ACOT7: variants seen among roughly 807,000 people sequenced by gnomAD.
ACOT7 encodes acyl-CoA thioesterase 7, also known as cytosolic acyl coenzyme A thioester hydrolase.
A neutral mutation model predicts 40.2 loss-of-function variants in ACOT7; 12 were observed. That is an observed-to-expected ratio of 0.30 (90% confidence interval 0.19 to 0.48). The LOEUF (loss-of-function observed/expected upper bound fraction) is 0.48. Ranked by LOEUF, ACOT7 falls within the 20% of genes least tolerant of loss-of-function variation. The pLI is 0.99. For missense variants in ACOT7, 395 were observed against 530.8 expected, an observed-to-expected ratio of 0.74 and a Z score of 2.51; for synonymous variants, 228 against 219.5, an observed-to-expected ratio of 1.04 and a Z score of -0.34.
intron 2 of ACOT7, among the ~76,000 whole-genome samples, chr1:6,344,158 C>T (rs1040852305): frequency 6.6e-6 from 1 of 152,120 alleles, no homozygotes; most frequent in Non-Finnish European, 1.5e-5. Context: ...AACACAGGGA[C>T]GCAGTGGGAG....
intron 1 of ACOT7, among the ~76,000 whole-genome samples, chr1:6,387,265 A>G (rs1213438939): frequency 6.6e-6 from 1 of 152,192 alleles, no homozygotes; most frequent in Non-Finnish European, 1.5e-5. Context: ...AAAACTCAGC[A>G]AACTGTACGT....
intron 7 of ACOT7, among the ~76,000 whole-genome samples, chr1:6,291,899 A>G (rs1019608366): frequency 1.3e-5 from 2 of 152,146 alleles, no homozygotes; most frequent in Admixed American, 6.5e-5. Context: ...CTGTTTCCCT[A>G]CCAAGGGGCA....
Position 6,306,335 on chromosome 1 carries a change from C to T in ACOT7, c.713-11355G>A, listed in dbSNP as rs2148408851. 7.1e-6 allele frequency: 7 copies of T among 985,310 alleles called. No homozygotes were observed. The highest frequency in any genetic ancestry group is 8.4e-6 in the Non-Finnish European group (7 of 829,916). The allele number at this position is 985,310 out of a possible 1,614,324, so 61.0% of individuals were successfully genotyped here. A position where few individuals can be genotyped will look rare whatever the true frequency, so the allele number is the denominator to read the frequency against. On this transcript the variant is annotated intron_variant, in intron 6 of 8. Coordinates refer to ENST00000361521, the MANE Select transcript of ACOT7 (RefSeq NM_007274.4). This position sits in a 1 kb window ranked among gnomAD's most constrained non-coding sequence, Gnocchi z 4.3. ...TTTGAGAGGGATGACGTGCTGGCCA[C>T]CAGGGACCCGGCTGAGAGGAGGACC...
chr1:6,387,273 C>T (rs748733741), intron 1 of ACOT7, among the ~76,000 whole-genome samples: 10 of 152,000 alleles, frequency 6.6e-5, no homozygotes, highest in Non-Finnish European at 1.3e-4. Context: ...GCAAACTGTA[C>T]GTTTCAAATA....
intron 1 of ACOT7, among the ~76,000 whole-genome samples, chr1:6,393,024 G>C (rs1034231248): frequency 6.6e-6 from 1 of 151,926 alleles, no homozygotes; most frequent in Non-Finnish European, 1.5e-5. Context: ...CCGCCCTGGA[G>C]ATGCGGCCAG....
chr1:6,371,942 G>C (rs1642140701), intron 1 of ACOT7, among the ~76,000 whole-genome samples: 1 of 152,020 alleles, frequency 6.6e-6, no homozygotes, highest in Non-Finnish European at 1.5e-5. Context: ...CTACTCGGGA[G>C]GCTGTGGCAG....
intron 3 of ACOT7, among the ~76,000 whole-genome samples, chr1:6,336,058 A>T (rs1467332444): frequency 1.3e-5 from 2 of 152,206 alleles, no homozygotes; most frequent in African/African-American, 4.8e-5. Context: ...TTAGAAAATT[A>T]TCTCTCGGCC....
At position 6,264,665 on chromosome 1, in the gene ACOT7, C is replaced by T. The variant is rs1638762453; in HGVS notation, c.1045G>A (p.Glu349Lys). ...PETEDEKKRF[E>K]EGKGRYLQMK... Reference sequence around the variant, plus strand: ...TGCAGGTACCGCCCTTTGCCTTCCTCAAAGCGCTTCTTCTCGTCCTCGGTC... The same window carrying T: ...TGCAGGTACCGCCCTTTGCCTTCCTTAAAGCGCTTCTTCTCGTCCTCGGTC... Residue 349 changes from glutamate (E) to lysine (K), a missense_variant, in exon 9 of 9, where the codon GAG (glutamate) becomes AAG (lysine). Physicochemically the swap from Glu to Lys is moderately conservative, Grantham distance 56. Around this residue, in one of 2 missense-constraint regions of ACOT7, gnomAD observed 309 missense variants for 470.3 expected, o/e 0.66. Coordinates refer to ENST00000361521, the MANE Select transcript of ACOT7 (RefSeq NM_007274.4). 1 of 1,613,444 alleles carries T rather than the reference C, an allele frequency of 6.2e-7. No homozygotes were observed. The highest frequency in any genetic ancestry group is 1.1e-5 in the South Asian group (1 of 91,086).
chr1:6,360,323 C>A lies in ACOT7; in HGVS notation c.144-10457G>T, dbSNP rs1274246669. Among the ~76,000 whole-genome samples, 3 of 152,226 alleles carry A rather than the reference C, an allele frequency of 2.0e-5. No individual in the cohort carries two copies. The East Asian group carries it at 5.8e-4, about 29-fold the overall frequency. On this transcript the variant is annotated intron_variant, in intron 1 of 8. Transcript: ENST00000361521. Reference sequence around the variant, plus strand: ...AGTCTGGCCCAAGCCTGGCAGCTAACCCTGGCTGAAAATGCCCCCTGAGCC... The same window carrying A: ...AGTCTGGCCCAAGCCTGGCAGCTAAACCTGGCTGAAAATGCCCCCTGAGCC...
At position 6,393,324 on chromosome 1, in the gene ACOT7, A is replaced by ATGCGGCGGGCGGC. The variant is rs1642566857; in HGVS notation, c.63_75dup (p.Ser26AlafsTer33). On this transcript the variant is annotated frameshift_variant, in exon 1 of 9. Coordinates refer to ENST00000361521, the MANE Select transcript of ACOT7 (RefSeq NM_007274.4). LOFTEE classifies it high-confidence loss of function. The stretch of plus-strand genomic sequence containing the variant: ...GACATGCTGGGGGCTGCGGCGGCGG[A>ATGCGGCGGGCGGC]TGCGGCGGGCGGCTGCAGAAGGGCG... 1.6e-6 allele frequency: 2 copies of ATGCGGCGGGCGGC among 1,268,590 alleles called. No individual in the cohort carries two copies. The highest frequency in any genetic ancestry group is 5.9e-5 in the East Asian group (2 of 34,140). 78.6% of individuals were successfully genotyped at this position (1,268,590 alleles called of 1,614,324 possible). A position where few individuals can be genotyped will look rare whatever the true frequency, so the allele number is the denominator to read the frequency against.
intron 8 of ACOT7, among the ~76,000 whole-genome samples, chr1:6,277,617 C>T (rs1384852908): frequency 6.6e-6 from 1 of 152,260 alleles, no homozygotes; most frequent in African/African-American, 2.4e-5. Flanking sequence ...GCGCCTTTGG[C>T]CCTCGCCGTT....
chr1:6,280,364 G>A (rs1360423182), intron 8 of ACOT7, among the ~76,000 whole-genome samples: 1 of 152,234 alleles, frequency 6.6e-6, no homozygotes, highest in African/African-American at 2.4e-5. Flanking sequence ...ACAGAGACAG[G>A]GAAGCTGCCT....
intron 6 of ACOT7, among the ~76,000 whole-genome samples, chr1:6,310,490 A>G (rs1451772941): frequency 6.6e-6 from 1 of 152,236 alleles, no homozygotes; most frequent in Non-Finnish European, 1.5e-5. Flanking sequence ...TGGCCAGGTC[A>G]GTGGTGTCCA....
rs1476527624 is a variant in ACOT7, at chr1:6,288,235, C to T, written c.829+6629G>A. Among the ~76,000 whole-genome samples the T allele has an allele frequency of 1.3e-5, 2 of 152,234 alleles. No individual in the cohort carries two copies. The highest frequency in any genetic ancestry group is 2.4e-5 in the African/African-American group (1 of 41,452). ...GCGGGCTCCAGCCTGTCGTGGCCCT[C>T]GCGTCCCCAGCACCAACTCCGTTGC... is the stretch of plus-strand genomic sequence containing the variant. On this transcript the variant is annotated intron_variant, in intron 7 of 8. Transcript: ENST00000361521. This position sits in a 1 kb window ranked among gnomAD's most constrained non-coding sequence, Gnocchi z 4.3.
At position 6,289,637 on chromosome 1, in the gene ACOT7, G is replaced by C. The variant is rs1044554210; in HGVS notation, c.829+5227C>G. Among the ~76,000 whole-genome samples, 1 of 152,012 alleles carries C rather than the reference G, an allele frequency of 6.6e-6. No individual in the cohort carries two copies. ...GATCTTCCTGCCTCAGCCTCACAAA[G>C]TGTTGGAATTACAAGCGTGAGCCAC... On this transcript the variant is annotated intron_variant, in intron 7 of 8. Coordinates refer to ENST00000361521, the MANE Select transcript of ACOT7 (RefSeq NM_007274.4). This position sits in a 1 kb window ranked among gnomAD's most constrained non-coding sequence, Gnocchi z 4.6.
Position 6,355,949 on chromosome 1 carries a change from C to A in ACOT7, c.144-6083G>T, listed in dbSNP as rs1247026666. 6.6e-6 allele frequency among the ~76,000 whole-genome samples: 1 copy of A among 152,180 alleles called. No individual in the cohort carries two copies. Among genetic ancestry groups the A allele is most frequent in the Non-Finnish European group, 1.5e-5 (1 of 68,032 alleles). On this transcript the variant is annotated intron_variant, in intron 1 of 8. Coordinates refer to ENST00000361521, the MANE Select transcript of ACOT7 (RefSeq NM_007274.4). The surrounding 1 kb of genome is among the most constrained non-coding windows in gnomAD (Gnocchi z 5.0). The stretch of plus-strand genomic sequence containing the variant: ...TGCCTCCTGTGCCCTGGGGTCCTCT[C>A]AAGGTGGAGTCCCACCTAAGCCACA...
intron 2 of ACOT7, among the ~76,000 whole-genome samples, chr1:6,344,198 G>A (rs1305829753): frequency 6.6e-6 from 1 of 152,188 alleles, no homozygotes; most frequent in Non-Finnish European, 1.5e-5. Flanking sequence ...GAGGCAGGCT[G>A]CCAGGCCTTG....
chr1:6,328,881 C>A (rs975014165), intron 4 of ACOT7, among the ~76,000 whole-genome samples: 1 of 152,184 alleles, frequency 6.6e-6, no homozygotes, highest in African/African-American at 2.4e-5. Flanking sequence ...GTGTGCTGGC[C>A]GCAGGCTGGT....
chr1:6,367,486 G>A (rs1642038032), intron 1 of ACOT7, among the ~76,000 whole-genome samples: 1 of 152,224 alleles, frequency 6.6e-6, no homozygotes, highest in Admixed American at 6.5e-5. Context: ...GTGTGAGTGA[G>A]CATGGAGTAC....
Sources: allele counts gnomAD v4.1 joint callset (sites outside exome capture counted in the v4.1 genomes callset), GRCh38; gene constraint gnomAD v4.1.1; regional missense constraint gnomAD v4.1.1; non-coding constraint Gnocchi (gnomAD v3.1); transcripts MANE v1.5; gene names NCBI Gene and HGNC (gene_info 2026-07-23, HGNC 2026-07-21).